TMEFF1: variants seen among roughly 807,000 people sequenced by gnomAD.
TMEFF1 encodes the protein tomoregulin-1.
TMEFF1 carries 20 observed loss-of-function variants against 47.5 expected under a neutral mutation model. The ratio of observed to expected loss-of-function variants is 0.42; its 90% CI spans 0.30 to 0.61. The LOEUF is 0.61. Ranked by LOEUF, TMEFF1 falls within the 20% of genes least tolerant of loss-of-function variation. The pLI is 0.19. For missense variants in TMEFF1, 411 were observed against 471.1 expected (o/e 0.87, Z 1.18); for synonymous variants, 162 against 166.3 (o/e 0.97, Z 0.20).
chr9:100,477,906 C>T (rs934376070), intron 1 of TMEFF1, among the ~76,000 whole-genome samples: 17 of 152,178 alleles, frequency 1.1e-4, no homozygotes, highest in African/African-American at 4.1e-4. Context: ...GGATTACAGG[C>T]ATGAGCCACT....
intron 5 of TMEFF1, among the ~76,000 whole-genome samples, chr9:100,518,969 C>A (rs1437656791): frequency 6.6e-6 from 1 of 151,924 alleles, no homozygotes; most frequent in Non-Finnish European, 1.5e-5. Flanking sequence ...TATATAAAAA[C>A]CTATTATTTA....
At chr9:100,511,881 A>T (rs1212002721) in intron 3 of TMEFF1, among the ~76,000 whole-genome samples, 1 of 152,174 alleles carries the variant, frequency 6.6e-6, no homozygotes. Context: ...AATATAACAT[A>T]CAGGGAGAAT....
chr9:100,540,855 T>A lies in TMEFF1; in HGVS notation c.561-6889T>A, dbSNP rs192813497. ...GAATATCTTTTCACATATGTTGTTC[T>A]TATATGTTTCCTCTTTTATTTCTAT... On this transcript the variant is annotated intron_variant, in intron 5 of 9. Coordinates refer to ENST00000374879, the MANE Select transcript of TMEFF1 (RefSeq NM_003692.5). Among the ~76,000 whole-genome samples, 1,266 of 152,356 alleles carry A rather than the reference T, an allele frequency of 8.3e-3. 7 individuals are homozygous for A. Among genetic ancestry groups the A allele is most frequent in the African/African-American group, 0.028 (1,168 of 41,592 alleles).
chr9:100,505,492 T>A (rs1277071053), intron 2 of TMEFF1, among the ~76,000 whole-genome samples: 1 of 148,114 alleles, frequency 6.8e-6, no homozygotes, highest in Non-Finnish European at 1.5e-5. Context: ...AATGTAGATG[T>A]CTAGTAGATG....
At chr9:100,560,234 T>G (rs1838989021) in intron 7 of TMEFF1, among the ~76,000 whole-genome samples, 1 of 152,214 alleles carries the variant, frequency 6.6e-6, no homozygotes, top group Non-Finnish European at 1.5e-5. Flanking sequence ...GTATTGTACA[T>G]GCATTTGTTA....
intron 7 of TMEFF1, among the ~76,000 whole-genome samples, chr9:100,557,727 C>G (rs1838940742): frequency 6.6e-6 from 1 of 152,110 alleles, no homozygotes; most frequent in African/African-American, 2.4e-5. Flanking sequence ...TAATTGTAAA[C>G]TGCCACATGG....
At chr9:100,480,775 TATC>T (rs1432145471) in intron 1 of TMEFF1, among the ~76,000 whole-genome samples, 1 of 152,234 alleles carries the variant, frequency 6.6e-6, no homozygotes, top group Non-Finnish European at 1.5e-5. Flanking sequence ...CTAAAATAGA[TATC>T]ATTTTAAATG....
chr9:100,537,158 T>A (rs182146652), intron 5 of TMEFF1, among the ~76,000 whole-genome samples: 2 of 152,306 alleles, frequency 1.3e-5, no homozygotes, highest in Non-Finnish European at 2.9e-5. Context: ...AAGTTAAGTA[T>A]GTGTCTAAAG....
At chr9:100,539,411 T>G (rs1374709369) in intron 5 of TMEFF1, among the ~76,000 whole-genome samples, 1 of 152,162 alleles carries the variant, frequency 6.6e-6, no homozygotes, top group African/African-American at 2.4e-5. Flanking sequence ...TTCTTAAAGA[T>G]GGTATGTCCG....
intron 5 of TMEFF1, chr9:100,518,271 T>C: frequency 4.8e-6 from 1 of 208,356 alleles, no homozygotes; most frequent in Non-Finnish European, 8.4e-6. Flanking sequence ...GTTCTAGACA[T>C]CTACATGATA....
chr9:100,557,692 T>C (rs889936367), intron 7 of TMEFF1, among the ~76,000 whole-genome samples: 1 of 152,170 alleles, frequency 6.6e-6, no homozygotes, highest in Non-Finnish European at 1.5e-5. Context: ...TAGCACCTAG[T>C]GTTATAAAAC....
At chr9:100,516,997 G>A (rs533668379) in intron 5 of TMEFF1, among the ~76,000 whole-genome samples, 1 of 152,112 alleles carries the variant, frequency 6.6e-6, no homozygotes, top group African/African-American at 2.4e-5. Context: ...TAGTTTTCTG[G>A]TTTTATCTAT....
chr9:100,531,784 A>G lies in TMEFF1; in HGVS notation c.560+15013A>G, dbSNP rs181260207. Among the ~76,000 whole-genome samples, 25 of 152,342 alleles carry G rather than the reference A, an allele frequency of 1.6e-4. No individual in the cohort carries two copies. In the South Asian group the frequency reaches 2.7e-3, roughly 16 times the overall value. ...AAAAAGAGCCCGCATTGCCAAGTCA[A>G]TCCTAAGCCAAAAGAACAAAGCTGG... is the stretch of plus-strand genomic sequence containing the variant. On this transcript the variant is annotated intron_variant, in intron 5 of 9. Coordinates refer to ENST00000374879, the MANE Select transcript of TMEFF1 (RefSeq NM_003692.5).
In TMEFF1 at chr9:100,509,081, C is replaced by T. The variant is rs1334467645; in HGVS notation, c.383C>T (p.Ala128Val). Residue 128 changes from alanine (A) to valine (V), a missense_variant, in exon 3 of 10, where the codon GCT becomes GTT. By Grantham distance (64) the Ala-to-Val change is moderately conservative. Coordinates refer to ENST00000374879, the MANE Select transcript of TMEFF1 (RefSeq NM_003692.5). ...AATGAATGCTTTCTCAGAAGGGCTG[C>T]TTGTAAGCACCAGAAAGAGATAACA... The part of the protein sequence containing the change: ...YQNECFLRRA[A>V]CKHQKEITVI... The T allele has an allele frequency of 1.9e-6, 3 of 1,599,080 alleles. No individual in the cohort carries two copies. Among genetic ancestry groups the T allele is most frequent in the African/African-American group, 1.3e-5 (1 of 74,084 alleles).
intron 5 of TMEFF1, among the ~76,000 whole-genome samples, chr9:100,529,540 A>T (rs1304321751): frequency 2.0e-5 from 3 of 151,390 alleles, no homozygotes; most frequent in Admixed American, 6.6e-5. Context: ...AAGAAGAGCT[A>T]ACTATCCTAA....
intron 3 of TMEFF1, among the ~76,000 whole-genome samples, chr9:100,512,446 A>G (rs1837985371): frequency 6.6e-6 from 1 of 152,140 alleles, no homozygotes; most frequent in African/African-American, 2.4e-5. Context: ...TCTAGAGGAC[A>G]ATTTGGAGAG....
intron 5 of TMEFF1, among the ~76,000 whole-genome samples, chr9:100,519,355 C>T (rs923004775): frequency 2.6e-5 from 4 of 151,930 alleles, no homozygotes; most frequent in Admixed American, 2.6e-4. Flanking sequence ...TTTCAGTGAG[C>T]CAAGATTGCG....
rs956506477 is a variant in TMEFF1, at chr9:100,478,642, AT to A, written c.196+4911del. The stretch of plus-strand genomic sequence containing the variant: ...TTTTATATCTTTTTTATTTATGCTT[AT>A]TTTTTTTTAAAGCTAACTTAACAGA... On this transcript the variant is annotated intron_variant, in intron 1 of 9. Transcript: ENST00000374879. Among the ~76,000 whole-genome samples the A allele has an allele frequency of 1.9e-4, 29 of 151,706 alleles. 1 individual carries two copies. Among genetic ancestry groups the A allele is most frequent in the Admixed American group, 3.9e-4 (6 of 15,208 alleles).
intron 5 of TMEFF1, among the ~76,000 whole-genome samples, chr9:100,540,517 T>G (rs1019128189): frequency 2.1e-5 from 3 of 142,968 alleles, no homozygotes; most frequent in African/African-American, 7.5e-5. Flanking sequence ...CCTCCCCACC[T>G]CCCCGCTAGC....
Sources: allele counts gnomAD v4.1 joint callset (sites outside exome capture counted in the v4.1 genomes callset), GRCh38; gene constraint gnomAD v4.1.1; transcripts MANE v1.5; gene names NCBI Gene and HGNC (gene_info 2026-07-23, HGNC 2026-07-21).